RFLNA: variants seen among roughly 807,000 people sequenced by gnomAD.
The protein encoded by RFLNA is refilin-A.
Under a neutral mutation model 7.8 loss-of-function variants are expected in RFLNA, and 5 were observed. The ratio of observed to expected loss-of-function variants is 0.64; its 90% CI spans 0.34 to 1.35. RFLNA has a LOEUF of 1.35. RFLNA is among the 40% of genes most tolerant of loss of function. RFLNA has a pLI of 0.04. For synonymous variants in RFLNA, 141 were observed against 131.3 expected (o/e 1.07, Z -0.50); for missense variants, 278 against 305.5 (o/e 0.91, Z 0.67).
At position 124,314,764 on chromosome 12, in the gene RFLNA, T is replaced by C; in HGVS notation, c.*239T>C. ...TAAAAGCATCTATTTTTTTAGCACTTAAGCTGGCAAGGCGGTAGGGGCATG... is the reference window on the plus strand; with the variant it reads ...TAAAAGCATCTATTTTTTTAGCACTCAAGCTGGCAAGGCGGTAGGGGCATG... On this transcript the variant is annotated 3_prime_UTR_variant, in exon 3 of 3. Transcript: ENST00000546355. The C allele has an allele frequency of 1.3e-6, 1 of 758,640 alleles. No individual in the cohort carries two copies. The highest frequency in any genetic ancestry group is 2.3e-6 in the Non-Finnish European group (1 of 439,862). The allele number at this position is 758,640 out of a possible 1,614,324, so 47.0% of individuals were successfully genotyped here. A position where few individuals can be genotyped will look rare whatever the true frequency, so the allele number is the denominator to read the frequency against.
In RFLNA at chr12:124,315,325, C is replaced by G. The variant is rs1197539469; in HGVS notation, c.*800C>G. The G allele has an allele frequency of 6.5e-6, 1 of 152,874 alleles. No homozygotes were observed. The highest frequency in any genetic ancestry group is 1.9e-4 in the East Asian group (1 of 5,190). 9.5% of individuals were successfully genotyped at this position (152,874 alleles called of 1,614,324 possible). ...TCCCCAGCTAACACCCATCCACGCA[C>G]CACCTCCAGGACGAGAACCCTTGAT... On this transcript the variant is annotated 3_prime_UTR_variant, in exon 3 of 3. Coordinates refer to ENST00000546355, the MANE Select transcript of RFLNA (RefSeq NM_001365156.1).
upstream of RFLNA, among the ~76,000 whole-genome samples, chr12:124,290,130 G>A (rs1325685018): frequency 6.6e-6 from 1 of 152,174 alleles, no homozygotes; most frequent in Admixed American, 6.5e-5. The surrounding 1 kb of genome is among the most constrained non-coding windows in gnomAD (Gnocchi z 4.0). Context: ...GCAAGAGCCC[G>A]GGGCTCTCCC....
At chr12:124,292,555 C>T (rs1489615448), upstream of RFLNA, among the ~76,000 whole-genome samples, 1 of 152,240 alleles carries the variant, frequency 6.6e-6, no homozygotes, top group Non-Finnish European at 1.5e-5. Context: ...CCCACAGCAG[C>T]GGATCTGAAT....
At chr12:124,296,086 T>TCTTTCTTTCTTTC (rs891764149) in intron 1 of RFLNA, among the ~76,000 whole-genome samples, 1 of 4,750 alleles carries the variant, frequency 2.1e-4, no homozygotes, top group African/African-American at 3.8e-4. Flanking sequence ...CTTTCTTTCT[T>TCTTTCTTTCTTTC]TCTTTCTTTC....
intron 1 of RFLNA, among the ~76,000 whole-genome samples, chr12:124,302,805 T>C (rs61933972): frequency 0.86 from 108,278 of 126,124 alleles, 47,823 homozygotes; most frequent in Non-Finnish European, 0.96. Context: ...GGTCAGGGGC[T>C]GAGGTCAGGG....
At position 124,314,350 on chromosome 12, in the gene RFLNA, C is replaced by T. The variant is rs1479648172; in HGVS notation, c.476C>T (p.Pro159Leu). ...AGCCAGCTGACCCTGGAGCCACGCC[C>T]GCGCGCCCTGCGCTTCCGCAGCACC... ...YRSQLTLEPR[P>L]RALRFRSTTI... Residue 159 changes from proline to leucine, a missense_variant, in exon 3 of 3, where the codon CCG becomes CTG. By Grantham distance (98) the Pro-to-Leu change is moderately conservative. Coordinates refer to ENST00000546355, the MANE Select transcript of RFLNA (RefSeq NM_001365156.1). 8.1e-6 allele frequency: 13 copies of T among 1,613,284 alleles called. No individual in the cohort carries two copies. The highest frequency in any genetic ancestry group is 2.2e-5 in the East Asian group (1 of 44,892).
chr12:124,303,196 C>G (rs138752254), intron 1 of RFLNA, among the ~76,000 whole-genome samples: 1 of 152,240 alleles, frequency 6.6e-6, no homozygotes, highest in Non-Finnish European at 1.5e-5. Context: ...ACTGAGCTCT[C>G]GACAACAGAG....
chr12:124,314,693 C>G lies in RFLNA; in HGVS notation c.*168C>G. The G allele has an allele frequency of 9.0e-7, 1 of 1,111,520 alleles. No individual in the cohort carries two copies. The highest frequency in any genetic ancestry group is 1.3e-6 in the Non-Finnish European group (1 of 759,740). The allele number at this position is 1,111,520 out of a possible 1,614,324, so 68.9% of individuals were successfully genotyped here. Reference sequence around the variant, plus strand: ...GCGGCTCCCCGCTGCCTGCCCTGACCTACAGGCTAGGTGGTGGTCTCCTTG... The same window carrying G: ...GCGGCTCCCCGCTGCCTGCCCTGACGTACAGGCTAGGTGGTGGTCTCCTTG... On this transcript the variant is annotated 3_prime_UTR_variant, in exon 3 of 3. Coordinates refer to ENST00000546355, the MANE Select transcript of RFLNA (RefSeq NM_001365156.1).
intron 1 of RFLNA, among the ~76,000 whole-genome samples, chr12:124,295,955 G>T (rs2033900999): frequency 6.6e-6 from 1 of 151,630 alleles, no homozygotes; most frequent in Non-Finnish European, 1.5e-5. Flanking sequence ...AAAGAAGTTG[G>T]CTGTTGGCTA....
chr12:124,293,793 C>T (rs996991960), upstream of RFLNA, among the ~76,000 whole-genome samples: 8 of 152,198 alleles, frequency 5.3e-5, no homozygotes, highest in African/African-American at 1.9e-4. Flanking sequence ...CACCTTACTC[C>T]TGCTGCTGCA....
chr12:124,303,434 G>A (rs1478857932), intron 1 of RFLNA, among the ~76,000 whole-genome samples: 1 of 152,218 alleles, frequency 6.6e-6, no homozygotes, highest in African/African-American at 2.4e-5. Flanking sequence ...CCCCCACACT[G>A]TCCTGCTGCC....
chr12:124,303,957 T>C (rs2135682805), intron 1 of RFLNA, among the ~76,000 whole-genome samples: 1 of 152,302 alleles, frequency 6.6e-6, no homozygotes, highest in Non-Finnish European at 1.5e-5. Flanking sequence ...GCCTGACCCC[T>C]TCCCTGGCCC....
chr12:124,304,856 C>T (rs1193033741), intron 1 of RFLNA, among the ~76,000 whole-genome samples: 1 of 152,188 alleles, frequency 6.6e-6, no homozygotes, highest in Non-Finnish European at 1.5e-5. Context: ...CCCCCTCTTG[C>T]GGGAGAAGGG....
intron 1 of RFLNA, chr12:124,311,564 T>G (rs7963859): frequency 0.25 from 93,557 of 368,906 alleles, 13,332 homozygotes; most frequent in East Asian, 0.46. Context: ...ACACCCCTTG[T>G]TGAGAACTGG....
In RFLNA at chr12:124,311,813, C is replaced by T. The variant is rs767785192; in HGVS notation, c.208-5C>T. 1.7e-5 allele frequency: 27 copies of T among 1,578,924 alleles called. No homozygotes were observed. The Admixed American group carries it at 2.5e-4, about 14-fold the overall frequency. On this transcript the variant is annotated splice_polypyrimidine_tract_variant and splice_region_variant and intron_variant, in intron 1 of 2. Transcript: ENST00000546355. The stretch of plus-strand genomic sequence containing the variant: ...ATAACCCCGTGTCCCTGGCTCTCCC[C>T]ACAGCCCCCCTCCCAACTCCCAAAT...
intron 2 of RFLNA, 32 bp downstream of exon 2, chr12:124,311,959 A>C: frequency 8.3e-6 from 2 of 240,006 alleles, no homozygotes; most frequent in Non-Finnish European, 1.5e-5. Flanking sequence ...GCGCGGGAGG[A>C]GGGGGTGGGG....
upstream of RFLNA, among the ~76,000 whole-genome samples, chr12:124,292,913 A>G (rs1368366810): frequency 6.6e-6 from 1 of 152,210 alleles, no homozygotes; most frequent in Non-Finnish European, 1.5e-5. Flanking sequence ...GTTCAAGATG[A>G]ACAAAACATC....
chr12:124,307,890 C>G (rs1041283414), intron 1 of RFLNA, among the ~76,000 whole-genome samples: 1 of 152,134 alleles, frequency 6.6e-6, no homozygotes, highest in African/African-American at 2.4e-5. Context: ...CTTCCTGCCT[C>G]TCTGGCTTCT....
Position 124,315,903 on chromosome 12 carries a change from T to C in RFLNA, c.*1378T>C, listed in dbSNP as rs1422120149. ...CCGTTCACATCCAGGAGGGGCAAAA[T>C]GACTGATGTATTTTTATGTATCTAC... is the stretch of plus-strand genomic sequence containing the variant. On this transcript the variant is annotated 3_prime_UTR_variant, in exon 3 of 3. Transcript: ENST00000546355. 1 of 151,652 alleles carries C rather than the reference T, an allele frequency of 6.6e-6. No homozygotes were observed. Among genetic ancestry groups the C allele is most frequent in the Non-Finnish European group, 1.5e-5 (1 of 67,866 alleles). The allele number at this position is 151,652 out of a possible 1,614,324, so 9.4% of individuals were successfully genotyped here.
Sources: allele counts gnomAD v4.1 joint callset (sites outside exome capture counted in the v4.1 genomes callset), GRCh38; gene constraint gnomAD v4.1.1; non-coding constraint Gnocchi (gnomAD v3.1); transcripts MANE v1.5; gene names NCBI Gene and HGNC (gene_info 2026-07-23, HGNC 2026-07-21).